Variants in SLC2A6 observed in about 807,000 individuals in gnomAD.
SLC2A6 encodes the protein solute carrier family 2 member 6.
Under a neutral mutation model 47.8 loss-of-function variants are expected in SLC2A6, and 39 were observed. That is an observed-to-expected ratio of 0.82 (90% CI 0.63 to 1.07). SLC2A6 has a LOEUF of 1.07. SLC2A6 is among the 50% of genes least tolerant of loss of function. The pLI, the probability that SLC2A6 is intolerant of heterozygous loss-of-function variation, is 0.00. For missense variants in SLC2A6, 650 were observed against 707.6 expected (o/e 0.92, Z 0.92); for synonymous variants, 346 against 324.1 (o/e 1.07, Z -0.73).
rs1588243768 is a variant in SLC2A6 at position 133,475,432 on chromosome 9, A to C, written c.742T>G (p.Phe248Val). 6.2e-7 allele frequency: 1 copy of C among 1,609,216 alleles called. No homozygotes were observed. The highest frequency in any genetic ancestry group is 8.5e-7 in the Non-Finnish European group (1 of 1,177,900). Residue 248 changes from phenylalanine (F) to valine (V), a missense_variant, in exon 5 of 10, where the codon TTC becomes GTC. Coordinates refer to ENST00000371899, the MANE Select transcript of SLC2A6 (RefSeq NM_017585.4). ...CGGACGTTGTCCTGGATCTGCTCGAACTCCCAGTGGACATCGACGTCCGTC... is the reference window on the plus strand; with the variant it reads ...CGGACGTTGTCCTGGATCTGCTCGACCTCCCAGTGGACATCGACGTCCGTC... ...RGTDVDVHWE[F>V]EQIQDNVRRQ...
chr9:133,471,983 C>A lies in SLC2A6; in HGVS notation c.*38G>T. On this transcript the variant is annotated 3_prime_UTR_variant, in exon 10 of 10. Coordinates refer to ENST00000371899, the MANE Select transcript of SLC2A6 (RefSeq NM_017585.4). ...TTTGTAGCCAACACAGAGGCCCAGC[C>A]ACTGGGGGTTTGGCCCCCTCCAGGC... 1 of 1,599,252 alleles carries A rather than the reference C, an allele frequency of 6.3e-7. No individual in the cohort carries two copies. The highest frequency in any genetic ancestry group is 8.5e-7 in the Non-Finnish European group (1 of 1,170,176).
In SLC2A6 at chr9:133,477,220, C is replaced by T. The variant is rs1554803680; in HGVS notation, c.277G>A (p.Ala93Thr). The part of the protein sequence containing the change: ...WFGSVFTLGA[A>T]AGGLSAMILN... ...ATCATGGCACTCAGGCCTCCGGCCG[C>T]TGCTCCCAGGGTGAACACGGACTGC... Residue 93 changes from alanine to threonine, a missense_variant, in exon 3 of 10, where the codon GCG (alanine) becomes ACG (threonine). Ala to Thr is a moderately conservative substitution (Grantham distance 58). Coordinates refer to ENST00000371899, the MANE Select transcript of SLC2A6 (RefSeq NM_017585.4). The T allele has an allele frequency of 1.9e-6, 3 of 1,550,988 alleles. No individual in the cohort carries two copies. Among genetic ancestry groups the T allele is most frequent in the Non-Finnish European group, 2.6e-6 (3 of 1,147,290 alleles).
rs782473408 is a variant in SLC2A6, at chr9:133,473,963, G to A, written c.1036+17C>T. On this transcript the variant is annotated intron_variant, in intron 7 of 9. Coordinates refer to ENST00000371899, the MANE Select transcript of SLC2A6 (RefSeq NM_017585.4). ...TGCGGAGGAGTGGGGCAGGAGGGCT[G>A]CCTGCAGGGTGCTTACCTGAGACGA... The A allele has an allele frequency of 1.3e-6, 2 of 1,577,212 alleles. No individual in the cohort carries two copies. Among genetic ancestry groups the A allele is most frequent in the African/African-American group, 1.3e-5 (1 of 74,414 alleles).
intron 3 of SLC2A6, 67 bp from the exon 4 acceptor site, chr9:133,476,403 G>T (rs782364536): frequency 7.2e-7 from 1 of 1,388,496 alleles, no homozygotes; most frequent in Non-Finnish European, 1.0e-6. Flanking sequence ...GCCGAGATGG[G>T]AGAGTCAGCC....
rs1274865133 is a variant in SLC2A6 at position 133,478,351 on chromosome 9, C to T, written c.158G>A (p.Gly53Glu). 1 of 1,613,984 alleles carries T rather than the reference C, an allele frequency of 6.2e-7. No individual in the cohort carries two copies. Among genetic ancestry groups the T allele is most frequent in the Non-Finnish European group, 8.5e-7 (1 of 1,180,016 alleles). ...FAAVLGNFSF[G>E]YALVYTSPVI... The stretch of plus-strand genomic sequence containing the variant: ...AGGGGATGTGTAGACCAGGGCATAC[C>T]CAAAGCTGAAATTGCCGAGCACTGC... The change falls in exon 2 of 10, where the codon GGG (glycine) becomes GAG (glutamate). Residue 53 changes from glycine to glutamate, a missense_variant. Physicochemically the swap from Gly to Glu is moderately conservative, Grantham distance 98. Coordinates refer to ENST00000371899, the MANE Select transcript of SLC2A6 (RefSeq NM_017585.4).
At position 133,473,615 on chromosome 9, in the gene SLC2A6, G is replaced by C. The variant is rs1843821613; in HGVS notation, c.1037-15C>G. 6.6e-7 allele frequency: 1 copy of C among 1,507,376 alleles called. No homozygotes were observed. The highest frequency in any genetic ancestry group is 8.9e-7 in the Non-Finnish European group (1 of 1,129,350). The allele number at this position is 1,507,376 out of a possible 1,614,324, so 93.4% of individuals were successfully genotyped here. On this transcript the variant is annotated splice_polypyrimidine_tract_variant and intron_variant, in intron 7 of 9. Coordinates refer to ENST00000371899, the MANE Select transcript of SLC2A6 (RefSeq NM_017585.4). ...CATGATGGCCGCTGTGGACAGACAGGTGGCCTCGTGGGGCCAGGACCCTCT... is the reference window on the plus strand; with the variant it reads ...CATGATGGCCGCTGTGGACAGACAGCTGGCCTCGTGGGGCCAGGACCCTCT...
At position 133,473,190 on chromosome 9, in the gene SLC2A6, C is replaced by T. The variant is rs781805053; in HGVS notation, c.1283G>A (p.Arg428His). The change falls in exon 9 of 10, where the codon CGT becomes CAT. Residue 428 changes from arginine to histidine, a missense_variant. Arg to His is a conservative substitution (Grantham distance 29). Transcript: ENST00000371899. ...GAGCCCTGAGGCCACGCCACGGGCA[C>T]GCAGGGGCAGGACCTCAGACATGAG... ...WLLMSEVLPL[R>H]ARGVASGLCV... 13 of 1,607,110 alleles carry T rather than the reference C, an allele frequency of 8.1e-6. No homozygotes were observed. Among genetic ancestry groups the T allele is most frequent in the South Asian group, 3.3e-5 (3 of 90,046 alleles).
intron 7 of SLC2A6, 122 bp from the exon 8 acceptor site, chr9:133,473,722 C>A: frequency 9.5e-7 from 1 of 1,050,914 alleles, no homozygotes; most frequent in Non-Finnish European, 1.3e-6. Flanking sequence ...GACTAGAGAC[C>A]CCCAGCAGGG....
At position 133,475,522 on chromosome 9, in the gene SLC2A6, G is replaced by T; in HGVS notation, c.652C>A (p.Pro218Thr). Residue 218 changes from proline to threonine, a missense_variant, in exon 5 of 10, where the codon CCG becomes ACG. Transcript: ENST00000371899. ...ILLLSFMPNS[P>T]RFLLSRGRDE... ...CTGCCCCGAGAGAGCAGGAAGCGCG[G>T]CGAGTTGGGCATGAAGCTGAGCAGC... 6.2e-7 allele frequency: 1 copy of T among 1,611,010 alleles called. No individual in the cohort carries two copies. Among genetic ancestry groups the T allele is most frequent in the Non-Finnish European group, 8.5e-7 (1 of 1,179,806 alleles).
chr9:133,473,288 T>A, intron 8 of SLC2A6, 38 bp from the exon 9 acceptor site: 1 of 1,549,586 alleles, frequency 6.5e-7, no homozygotes, highest in Non-Finnish European at 8.7e-7. Flanking sequence ...CCCTGTGGGG[T>A]GACTGGAGGC....
Position 133,474,857 on chromosome 9 carries a change from T to C in SLC2A6, c.927+104A>G, listed in dbSNP as rs587687007. ...ACACCTGGCACAGAGCAGGTGTGGG[T>C]AAGACCAGGGGTTGGGTAAGTGCAG... On this transcript the variant is annotated intron_variant, in intron 6 of 9. Transcript: ENST00000371899. 8.6e-5 allele frequency: 105 copies of C among 1,226,906 alleles called. No homozygotes were observed. In the African/African-American group the frequency reaches 1.3e-3, roughly 15 times the overall value. 76.0% of individuals were successfully genotyped at this position (1,226,906 alleles called of 1,614,324 possible).
Position 133,476,291 on chromosome 9 carries a change from C to G in SLC2A6, c.508G>C (p.Gly170Arg). Residue 170 changes from glycine (G) to arginine (R), a missense_variant, in exon 4 of 10, where the codon GGG becomes CGG. Coordinates refer to ENST00000371899, the MANE Select transcript of SLC2A6 (RefSeq NM_017585.4). ...ACTGCCATGAGCTGGGGTGTGGCCC[C>G]CAGAGCCCCACGAACGCCTGGGGGA... ...IAPPGVRGALGATPQLMAVFG... is the reference protein window; with the variant it reads ...IAPPGVRGALRATPQLMAVFG... 6.2e-7 allele frequency: 1 copy of G among 1,613,070 alleles called. No homozygotes were observed. The highest frequency in any genetic ancestry group is 8.5e-7 in the Non-Finnish European group (1 of 1,179,990).
At chr9:133,475,186 A>G (rs1306459342) in intron 5 of SLC2A6, 73 bp from the exon 6 acceptor site, 5 of 1,446,304 alleles carry the variant, frequency 3.5e-6, no homozygotes, top group Non-Finnish European at 2.7e-6. Flanking sequence ...CTGGACCGCC[A>G]GGGGTTGTGT....
At chr9:133,474,502 G>A (rs2131025641) in intron 6 of SLC2A6, among the ~76,000 whole-genome samples, 1 of 152,352 alleles carries the variant, frequency 6.6e-6, no homozygotes, top group African/African-American at 2.4e-5. Context: ...CTCTGAACCT[G>A]GGGTCTGTGG....
chr9:133,472,903 T>C (rs1451519533), intron 9 of SLC2A6, among the ~76,000 whole-genome samples: 1 of 152,204 alleles, frequency 6.6e-6, no homozygotes, highest in Non-Finnish European at 1.5e-5. Flanking sequence ...CGCCCGTTCC[T>C]GTTTCTTATA....
At position 133,473,161 on chromosome 9, in the gene SLC2A6, C is replaced by G. The variant is rs1554802146; in HGVS notation, c.1312G>C (p.Val438Leu). The change falls in exon 9 of 10, where the codon GTG (valine) becomes CTG (leucine). Residue 438 changes from valine to leucine, a missense_variant. Physicochemically the swap from Val to Leu is conservative, Grantham distance 32. Transcript: ENST00000371899. ...RARGVASGLC[V>L]LASWLTAFVL... is the part of the protein sequence containing the mutation. ...AAGGCGGTGAGCCAGCTGGCCAGCA[C>G]GCAGAGCCCTGAGGCCACGCCACGG... The G allele has an allele frequency of 6.2e-7, 1 of 1,611,358 alleles. No individual in the cohort carries two copies. Among genetic ancestry groups the G allele is most frequent in the Non-Finnish European group, 8.5e-7 (1 of 1,179,514 alleles).
rs1043565901 is a variant in SLC2A6 at position 133,475,336 on chromosome 9, C to T, written c.774+64G>A. On this transcript the variant is annotated intron_variant, in intron 5 of 9. Transcript: ENST00000371899. ...TCCTGTCTTCCAGGAAAAGCCTCCA[C>T]GGCCACACACAGCTGAAGTGCTGGA... The T allele has an allele frequency of 1.0e-5, 15 of 1,485,914 alleles. No individual in the cohort carries two copies. In the East Asian group the frequency reaches 1.2e-4, roughly 11 times the overall value. The allele number at this position is 1,485,914 out of a possible 1,614,324, so 92.0% of individuals were successfully genotyped here.
chr9:133,477,357 G>A, intron 2 of SLC2A6, 116 bp from the exon 3 acceptor site: 3 of 955,456 alleles, frequency 3.1e-6, no homozygotes, highest in Non-Finnish European at 4.7e-6. Context: ...CAAGCACTTG[G>A]CCAAGTCAAG....
chr9:133,478,909 G>T, intron 1 of SLC2A6, 59 bp downstream of exon 1: 1 of 1,457,196 alleles, frequency 6.9e-7, no homozygotes. Context: ...GCCGCCGGCT[G>T]GAGGGAACCA....
Sources: allele counts gnomAD v4.1 joint callset (sites outside exome capture counted in the v4.1 genomes callset), GRCh38; gene constraint gnomAD v4.1.1; transcripts MANE v1.5; gene names NCBI Gene and HGNC (gene_info 2026-07-23, HGNC 2026-07-21).